UHRF2: variants seen among roughly 807,000 people sequenced by gnomAD.
UHRF2 encodes E3 ubiquitin-protein ligase UHRF2.
A neutral mutation model predicts 96.8 loss-of-function variants in UHRF2; 23 were observed. The ratio of observed to expected loss-of-function variants is 0.24; its 90% CI spans 0.17 to 0.34. UHRF2 has a LOEUF of 0.34. Ranked by LOEUF, UHRF2 falls within the 10% of genes least tolerant of loss-of-function variation. The pLI is 1.00. For synonymous variants in UHRF2, 385 were observed against 332.6 expected (o/e 1.16, Z -1.72); for missense variants, 685 against 981.5 (o/e 0.70, Z 4.04).
At chr9:6,438,168 G>A (rs1380400371) in intron 3 of UHRF2, among the ~76,000 whole-genome samples, 1 of 152,212 alleles carries the variant, frequency 6.6e-6, no homozygotes, top group Non-Finnish European at 1.5e-5. Context: ...AGAGATTTCT[G>A]TATAACACAG....
Position 6,506,100 on chromosome 9 carries a change from A to G in UHRF2, c.2330A>G (p.Gln777Arg). 1.9e-6 allele frequency: 3 copies of G among 1,614,222 alleles called. No individual in the cohort carries two copies. Among genetic ancestry groups the G allele is most frequent in the Non-Finnish European group, 2.5e-6 (3 of 1,180,036 alleles). ...SCPACRHDLGQNYIMIPNEIL... is the reference protein window; with the variant it reads ...SCPACRHDLGRNYIMIPNEIL... ...CCTGCTTGCCGGCATGATCTTGGCC[A>G]GAATTACATCATGATTCCCAATGAG... is the stretch of plus-strand genomic sequence containing the variant. The change falls in exon 16 of 16, where the codon CAG becomes CGG. Residue 777 changes from glutamine (Q) to arginine (R), a missense_variant. Coordinates refer to ENST00000276893, the MANE Select transcript of UHRF2 (RefSeq NM_152896.3).
At chr9:6,447,613 A>G (rs775210836) in intron 3 of UHRF2, among the ~76,000 whole-genome samples, 2 of 152,234 alleles carry the variant, frequency 1.3e-5, no homozygotes, top group Non-Finnish European at 2.9e-5. Flanking sequence ...AAAGATTTCC[A>G]GTTAAACATG....
chr9:6,504,015 C>CGT (rs1816445450), intron 14 of UHRF2, among the ~76,000 whole-genome samples: 1 of 78,958 alleles, frequency 1.3e-5, no homozygotes, highest in African/African-American at 6.0e-5. Flanking sequence ...AAATAGAAGA[C>CGT]TTTTTTTTTT....
At chr9:6,446,659 C>T (rs1213235348) in intron 3 of UHRF2, among the ~76,000 whole-genome samples, 1 of 151,600 alleles carries the variant, frequency 6.6e-6, no homozygotes, top group Non-Finnish European at 1.5e-5. Context: ...TGAGACCAGC[C>T]TGGCCAACGT....
At position 6,427,243 on chromosome 9, in the gene UHRF2, G is replaced by A. The variant is rs1820310584; in HGVS notation, c.384+6101G>A. Among the ~76,000 whole-genome samples the A allele has an allele frequency of 2.0e-5, 3 of 152,052 alleles. No individual in the cohort carries two copies. The South Asian group carries it at 6.2e-4, about 31-fold the overall frequency. On this transcript the variant is annotated intron_variant, in intron 2 of 15. Transcript: ENST00000276893. ...TATACATGTAGAGCTTTCTATAGTTGAAATTGCTTTATGGATGAGCAAACA... is the reference window on the plus strand; with the variant it reads ...TATACATGTAGAGCTTTCTATAGTTAAAATTGCTTTATGGATGAGCAAACA...
Position 6,481,669 on chromosome 9 carries a change from C to T in UHRF2, c.1187C>T (p.Ser396Phe). The T allele has an allele frequency of 3.1e-6, 5 of 1,613,006 alleles. No homozygotes were observed. The highest frequency in any genetic ancestry group is 4.2e-6 in the Non-Finnish European group (5 of 1,179,558). The change falls in exon 7 of 16, where the codon TCC becomes TTC. Residue 396 changes from serine to phenylalanine, a missense_variant. Physicochemically the swap from Ser to Phe is radical, Grantham distance 155. This residue lies in a region of UHRF2 where 391 missense variants were observed against 437.0 expected (regional missense o/e 0.89). Transcript: ENST00000276893. ...TATTGTCCTTCTTGTAAAACTGATT[C>T]CAGTGAAGTTGTAAAGGCTGGTGAA... ...YWYCPSCKTD[S>F]SEVVKAGERL...
At position 6,456,822 on chromosome 9, in the gene UHRF2, T is replaced by C. The variant is rs142957053; in HGVS notation, c.645-3751T>C. Among the ~76,000 whole-genome samples, 344 of 152,314 alleles carry C rather than the reference T, an allele frequency of 2.3e-3. 9 individuals carry two copies. In the East Asian group the frequency reaches 0.04, roughly 18 times the overall value. ...CCCCATTTCTTGTTTTTGTCAGGAT[T>C]GTCAAAGATCAGATAGTTGAAGATG... On this transcript the variant is annotated intron_variant, in intron 3 of 15. Transcript: ENST00000276893.
chr9:6,506,102 A>C lies in UHRF2; in HGVS notation c.2332A>C (p.Asn778His). 6.2e-6 allele frequency: 10 copies of C among 1,614,120 alleles called. No individual in the cohort carries two copies. Among genetic ancestry groups the C allele is most frequent in the Non-Finnish European group, 7.6e-6 (9 of 1,180,024 alleles). The change falls in exon 16 of 16, where the codon AAT becomes CAT. Residue 778 changes from asparagine (N) to histidine (H), a missense_variant. By Grantham distance (68) the Asn-to-His change is moderately conservative. This residue lies in a region of UHRF2 where 71 missense variants were observed against 114.1 expected (regional missense o/e 0.62). Transcript: ENST00000276893. ...TGCTTGCCGGCATGATCTTGGCCAG[A>C]ATTACATCATGATTCCCAATGAGAT... is the stretch of plus-strand genomic sequence containing the variant. ...CPACRHDLGQ[N>H]YIMIPNEILQ...
chr9:6,503,243 G>A (rs371348703), intron 14 of UHRF2, among the ~76,000 whole-genome samples: 4 of 152,182 alleles, frequency 2.6e-5, no homozygotes, highest in African/African-American at 4.8e-5. Flanking sequence ...TGATCCACCC[G>A]CCTCAGCCTC....
At chr9:6,492,388 A>G in intron 9 of UHRF2, 1 of 1,142,112 alleles carries the variant, frequency 8.8e-7, no homozygotes, top group Non-Finnish European at 1.1e-6. Flanking sequence ...GAAGTATTCT[A>G]AACTGTTCTA....
chr9:6,430,827 T>C (rs1820525263), intron 2 of UHRF2, among the ~76,000 whole-genome samples: 1 of 152,224 alleles, frequency 6.6e-6, no homozygotes, highest in South Asian at 2.1e-4. Flanking sequence ...CCTAGTGCTT[T>C]CCTGTATTTC....
chr9:6,472,577 A>G (rs950731657), intron 4 of UHRF2, among the ~76,000 whole-genome samples: 7 of 152,260 alleles, frequency 4.6e-5, no homozygotes, highest in Admixed American at 2.0e-4. Context: ...ATGACTGAAG[A>G]TAATTTGAAA....
intron 3 of UHRF2, among the ~76,000 whole-genome samples, chr9:6,435,989 GT>G (rs1820826129): frequency 6.6e-6 from 1 of 152,122 alleles, no homozygotes; most frequent in African/African-American, 2.4e-5. Flanking sequence ...GTAAACTATT[GT>G]CTTTATCCAT....
chr9:6,420,743 G>A (rs1819885840), intron 1 of UHRF2, among the ~76,000 whole-genome samples, 169 bp from the exon 2 acceptor site: 1 of 151,814 alleles, frequency 6.6e-6, no homozygotes, highest in East Asian at 1.9e-4. Flanking sequence ...AATGTATTGG[G>A]GTCCAGAGAA....
chr9:6,488,661 C>T (rs1824465419), intron 9 of UHRF2, among the ~76,000 whole-genome samples: 1 of 147,566 alleles, frequency 6.8e-6, no homozygotes, highest in Non-Finnish European at 1.5e-5. Flanking sequence ...TTACAGGCGG[C>T]CGGTTAATTT....
At chr9:6,497,476 A>G (rs1587880749) in intron 11 of UHRF2, 116 bp downstream of exon 11, 6 of 1,163,646 alleles carry the variant, frequency 5.2e-6, no homozygotes, top group East Asian at 2.4e-5. Flanking sequence ...TTATATTGCT[A>G]CTTTTTCTGG....
intron 3 of UHRF2, among the ~76,000 whole-genome samples, chr9:6,447,099 C>T (rs1175969813): frequency 2.6e-5 from 4 of 152,030 alleles, no homozygotes; most frequent in African/African-American, 7.2e-5. Flanking sequence ...CCATGTTAGC[C>T]AGGATGGTCT....
Position 6,482,003 on chromosome 9 carries a change from T to G in UHRF2, c.1296T>G (p.Cys432Trp). The G allele has an allele frequency of 6.2e-7, 1 of 1,613,852 alleles. No homozygotes were observed. The highest frequency in any genetic ancestry group is 8.5e-7 in the Non-Finnish European group (1 of 1,179,880). ...TTTGCGTCTTGTAGGGAATGGCTTG[T>G]GTTGGTCGTACGAGAGAATGTACTA... ...SRRDWGRGMACVGRTRECTIV... is the reference protein window; with the variant it reads ...SRRDWGRGMAWVGRTRECTIV... Residue 432 changes from cysteine to tryptophan, a missense_variant, in exon 8 of 16, where the codon TGT becomes TGG. Coordinates refer to ENST00000276893, the MANE Select transcript of UHRF2 (RefSeq NM_152896.3).
chr9:6,489,728 GT>G (rs34069701), intron 9 of UHRF2, among the ~76,000 whole-genome samples: 35,907 of 114,584 alleles, frequency 0.31, 4,834 homozygotes, highest in East Asian at 0.49. Context: ...TTGGGTTTTT[GT>G]TTTTTTTTTT....
Sources: gnomAD v4.1 joint callset for allele counts (sites outside exome capture counted in the v4.1 genomes callset) on GRCh38, gnomAD v4.1.1 for gene constraint, gnomAD v4.1.1 regional missense constraint, MANE v1.5 for transcripts, NCBI Gene and HGNC (gene_info 2026-07-23, HGNC 2026-07-21) for gene names.